Variants in RAB6A observed in about 807,000 individuals in gnomAD.
RAB6A encodes the protein ras-related protein Rab-6A.
A neutral mutation model predicts 32.3 loss-of-function variants in RAB6A; 8 were observed. The ratio of observed to expected loss-of-function variants is 0.25; its 90% CI spans 0.15 to 0.45. The LOEUF (loss-of-function observed/expected upper bound fraction) is 0.45. Ranked by LOEUF, RAB6A falls within the 20% of genes least tolerant of loss-of-function variation. The pLI is 1.00. For synonymous variants in RAB6A, 73 were observed against 82.1 expected, an observed-to-expected ratio of 0.89 and a Z score of 0.60; for missense variants, 104 against 249.4, an observed-to-expected ratio of 0.42 and a Z score of 3.93.
Position 73,691,018 on chromosome 11 carries a change from C to CA in RAB6A, c.496-11299_496-11298insT, listed in dbSNP as rs569803398. 7.2e-5 allele frequency among the ~76,000 whole-genome samples: 4 copies of CA among 55,324 alleles called. No individual in the cohort carries two copies. In the South Asian group the frequency reaches 1.9e-3, roughly 26 times the overall value. The allele number at this position is 55,324 out of a possible 152,430, so 36.3% of individuals were successfully genotyped here. On this transcript the variant is annotated intron_variant, in intron 6 of 7. Transcript: ENST00000336083. ...TTAACTCTCCAAAGGCGGGGTTTTT[C>CA]GGGGGTGGGGGGGCGATGCTGGGGA...
chr11:73,704,132 C>A (rs1175472429), intron 6 of RAB6A: 1 of 378,074 alleles, frequency 2.6e-6, no homozygotes, highest in Non-Finnish European at 5.4e-6. Context: ...CCTATAATCT[C>A]GAAATCTTCG....
rs116163745 is a variant in RAB6A, at chr11:73,690,993, T to C, written c.496-11273A>G. ...TAGGTTAAGCACCTCACACAGAAAA[T>C]TAACTCTCCAAAGGCGGGGTTTTTC... On this transcript the variant is annotated intron_variant, in intron 6 of 7. Coordinates refer to ENST00000336083, the MANE Select transcript of RAB6A (RefSeq NM_198896.2). 5.3e-3 allele frequency among the ~76,000 whole-genome samples: 789 copies of C among 148,830 alleles called. 7 individuals carry two copies. The highest frequency in any genetic ancestry group is 0.018 in the African/African-American group (718 of 40,312).
intron 4 of RAB6A, among the ~76,000 whole-genome samples, chr11:73,717,977 CTT>C (rs996605223): frequency 5.3e-5 from 8 of 152,122 alleles, no homozygotes; most frequent in African/African-American, 1.9e-4. Context: ...ATTATTCAAT[CTT>C]TAGAAAAAAG....
At chr11:73,723,959 T>C (rs1258916022) in intron 2 of RAB6A, among the ~76,000 whole-genome samples, 1 of 152,220 alleles carries the variant, frequency 6.6e-6, no homozygotes, top group Non-Finnish European at 1.5e-5. Flanking sequence ...AAGATTTTTT[T>C]TAGTTACATA....
chr11:73,704,028 CAA>C (rs984964478), intron 6 of RAB6A: 138 of 100,772 alleles, frequency 1.4e-3, no homozygotes, highest in South Asian at 7.8e-3. Context: ...GACTCCATCT[CAA>C]AAAAAAAAAA....
chr11:73,745,254 T>A (rs1327839433), intron 1 of RAB6A, among the ~76,000 whole-genome samples: 2 of 152,188 alleles, frequency 1.3e-5, no homozygotes, highest in East Asian at 3.9e-4. Flanking sequence ...TTCTTGTTCA[T>A]AGCTGTATAC....
chr11:73,759,954 G>GTGTAGA, intron 1 of RAB6A: 3 of 1,073,738 alleles, frequency 2.8e-6, no homozygotes, highest in Admixed American at 2.5e-5. Flanking sequence ...CCATGCTCAA[G>GTGTAGA]TCGTCTCCAA....
At chr11:73,748,062 T>C (rs144191288) in intron 1 of RAB6A, among the ~76,000 whole-genome samples, 1,580 of 152,338 alleles carry the variant, frequency 0.01, 27 homozygotes, top group African/African-American at 0.036. Context: ...TCTCAAACTT[T>C]TGCCCACCAA....
intron 1 of RAB6A, among the ~76,000 whole-genome samples, chr11:73,746,798 A>AACC (rs1298316832): frequency 1.3e-5 from 2 of 152,082 alleles, no homozygotes; most frequent in East Asian, 3.9e-4. Flanking sequence ...TGAGTTGTAG[A>AACC]ACCAGACTAC....
intron 1 of RAB6A, among the ~76,000 whole-genome samples, chr11:73,751,541 G>C (rs1472999913): frequency 6.6e-6 from 1 of 152,140 alleles, no homozygotes; most frequent in African/African-American, 2.4e-5. Flanking sequence ...GCTAAAAACA[G>C]AAGGAAGGGA....
At chr11:73,720,931 A>T (rs1946125879) in intron 2 of RAB6A, 32 bp from the exon 3 acceptor site, 1 of 1,498,854 alleles carries the variant, frequency 6.7e-7, no homozygotes, top group East Asian at 2.3e-5. Flanking sequence ...TTAACAAATA[A>T]TAAGTTTAAT....
chr11:73,717,918 G>C (rs1353322097), intron 4 of RAB6A, among the ~76,000 whole-genome samples: 1 of 152,124 alleles, frequency 6.6e-6, no homozygotes, highest in East Asian at 1.9e-4. Context: ...TTTCTTGTCA[G>C]TCACCAATGC....
chr11:73,743,509 C>A (rs566398330), intron 1 of RAB6A, among the ~76,000 whole-genome samples: 1 of 151,940 alleles, frequency 6.6e-6, no homozygotes, highest in African/African-American at 2.4e-5. Flanking sequence ...TGCCTGTAGT[C>A]CCAACTACTC....
At chr11:73,733,922 C>A (rs2134978939) in intron 1 of RAB6A, among the ~76,000 whole-genome samples, 1 of 152,204 alleles carries the variant, frequency 6.6e-6, no homozygotes, top group Middle Eastern at 3.4e-3. Context: ...ACTTTGTGCC[C>A]TTTACTGGAT....
At chr11:73,720,330 G>A (rs1483905283) in intron 3 of RAB6A, among the ~76,000 whole-genome samples, 2 of 151,784 alleles carry the variant, frequency 1.3e-5, no homozygotes, top group African/African-American at 4.8e-5. Context: ...ATAGGCGCCC[G>A]CCACCACGCC....
intron 6 of RAB6A, among the ~76,000 whole-genome samples, chr11:73,694,468 T>C (rs2134891607): frequency 6.6e-6 from 1 of 152,318 alleles, no homozygotes; most frequent in African/African-American, 2.4e-5. Flanking sequence ...GAAAGCACTG[T>C]GAAAGGGCTA....
chr11:73,742,283 A>AAAATAAAT (rs748036505), intron 1 of RAB6A, among the ~76,000 whole-genome samples: 18 of 151,896 alleles, frequency 1.2e-4, no homozygotes, highest in African/African-American at 4.1e-4. Flanking sequence ...CTCTGTCTCA[A>AAAATAAAT]AAATAAATAA....
intron 1 of RAB6A, among the ~76,000 whole-genome samples, chr11:73,733,925 T>C (rs188067983): frequency 1.8e-3 from 267 of 152,324 alleles, no homozygotes; most frequent in Non-Finnish European, 2.6e-3. Flanking sequence ...TTGTGCCCTT[T>C]ACTGGATGTT....
intron 3 of RAB6A, chr11:73,718,987 AG>A: frequency 8.7e-7 from 1 of 1,149,330 alleles, no homozygotes; most frequent in Non-Finnish European, 1.2e-6. Context: ...GAGGGTGGGA[AG>A]GAAGTAGAAA....
Sources: allele counts gnomAD v4.1 joint callset (sites outside exome capture counted in the v4.1 genomes callset), GRCh38; gene constraint gnomAD v4.1.1; transcripts MANE v1.5; gene names NCBI Gene and HGNC (gene_info 2026-07-23, HGNC 2026-07-21).